GALNT1: variants seen among roughly 807,000 people sequenced by gnomAD.
GALNT1 encodes GalNAc transferase 1.
A neutral mutation model predicts 65.7 loss-of-function variants in GALNT1; 17 were observed. That is an observed-to-expected ratio of 0.26 (90% CI 0.18 to 0.39). The LOEUF is 0.39. Among genes scored for constraint, GALNT1 ranks in the 10% least tolerant of loss-of-function variants. The pLI is 1.00. For missense variants in GALNT1, 460 were observed against 672.8 expected (o/e 0.68, Z 3.50); for synonymous variants, 210 against 219.7 (o/e 0.96, Z 0.39).
chr18:35,695,038 T>C (rs914580287), intron 9 of GALNT1, among the ~76,000 whole-genome samples: 1 of 152,216 alleles, frequency 6.6e-6, no homozygotes, highest in African/African-American at 2.4e-5. Context: ...AAGAGTTACT[T>C]CATGGGCATA....
intron 2 of GALNT1, among the ~76,000 whole-genome samples, chr18:35,656,656 G>C (rs75339867): frequency 0.013 from 1,954 of 152,310 alleles, 45 homozygotes; most frequent in African/African-American, 0.045. Context: ...GGCCTTTTAT[G>C]GCATGCTAGG....
rs148551956 is a variant in GALNT1 at position 35,686,876 on chromosome 18, G to T, written c.690-140G>T. 6.6e-5 allele frequency: 47 copies of T among 708,266 alleles called. 2 individuals are homozygous for T. Among genetic ancestry groups the T allele is most frequent in the Middle Eastern group, 8.1e-4 (2 of 2,456 alleles). 43.9% of individuals were successfully genotyped at this position (708,266 alleles called of 1,614,324 possible). A position where few individuals can be genotyped will look rare whatever the true frequency, so the allele number is the denominator to read the frequency against. On this transcript the variant is annotated intron_variant, in intron 5 of 11. Coordinates refer to ENST00000269195, the MANE Select transcript of GALNT1 (RefSeq NM_020474.4). ...CCCCTGATTGCACTACTGCATTCCA[G>T]CCTGGGTGGTGACAGAGTAGTGATA...
rs762214145 is a variant in GALNT1, at chr18:35,677,667, A to G, written c.391A>G (p.Thr131Ala). 3.1e-6 allele frequency: 5 copies of G among 1,613,460 alleles called. No homozygotes were observed. The highest frequency in any genetic ancestry group is 4.2e-6 in the Non-Finnish European group (5 of 1,179,596). The change falls in exon 4 of 12, where the codon ACA becomes GCA. Residue 131 changes from threonine to alanine, a missense_variant. By Grantham distance (58) the Thr-to-Ala change is moderately conservative. Coordinates refer to ENST00000269195, the MANE Select transcript of GALNT1 (RefSeq NM_020474.4). ...TGTTTTCCACAATGAGGCTTGGAGC[A>G]CACTTCTGCGAACTGTCCATAGTGT... The part of the protein sequence containing the change: ...VIVFHNEAWS[T>A]LLRTVHSVIN...
chr18:35,683,464 A>G lies in GALNT1; in HGVS notation c.555A>G (p.Gln185=), dbSNP rs547753485. The change falls in exon 5 of 12, where the codon CAA becomes CAG. Residue 185 remains glutamine, a synonymous_variant. Transcript: ENST00000269195. Reference sequence around the variant, plus strand: ...CAGTTCATGTAATTCGAATGGAACAACGTTCTGGATTGATCAGAGCTAGAT... The same window carrying G: ...CAGTTCATGTAATTCGAATGGAACAGCGTTCTGGATTGATCAGAGCTAGAT... ...KVPVHVIRME[Q]RSGLIRARLK... 6 of 1,613,756 alleles carry G rather than the reference A, an allele frequency of 3.7e-6. No individual in the cohort carries two copies. The highest frequency in any genetic ancestry group is 5.1e-6 in the Non-Finnish European group (6 of 1,179,876).
intron 1 of GALNT1, among the ~76,000 whole-genome samples, chr18:35,600,387 T>C (rs1308180625): frequency 6.6e-6 from 1 of 152,224 alleles, no homozygotes; most frequent in African/African-American, 2.4e-5. Flanking sequence ...TCTGCAACTT[T>C]ACTGGATTTG....
At position 35,677,669 on chromosome 18, in the gene GALNT1, A is replaced by G; in HGVS notation, c.393A>G (p.Thr131=). 6.2e-7 allele frequency: 1 copy of G among 1,613,480 alleles called. No individual in the cohort carries two copies. Among genetic ancestry groups the G allele is most frequent in the East Asian group, 2.2e-5 (1 of 44,848 alleles). ...TTTTCCACAATGAGGCTTGGAGCACACTTCTGCGAACTGTCCATAGTGTCA... is the reference window on the plus strand; with the variant it reads ...TTTTCCACAATGAGGCTTGGAGCACGCTTCTGCGAACTGTCCATAGTGTCA... ...VIVFHNEAWS[T]LLRTVHSVIN... is the part of the protein sequence containing the mutation. Residue 131 remains threonine, a synonymous_variant, in exon 4 of 12, where the codon ACA becomes ACG. Coordinates refer to ENST00000269195, the MANE Select transcript of GALNT1 (RefSeq NM_020474.4).
At chr18:35,690,734 G>A (rs538164778) in intron 7 of GALNT1, among the ~76,000 whole-genome samples, 1 of 152,270 alleles carries the variant, frequency 6.6e-6, no homozygotes, top group African/African-American at 2.4e-5. Flanking sequence ...CCCATCATGT[G>A]CCCCTGATTT....
At chr18:35,626,176 A>G (rs1598787275) in intron 1 of GALNT1, among the ~76,000 whole-genome samples, 1 of 152,170 alleles carries the variant, frequency 6.6e-6, no homozygotes, top group East Asian at 1.9e-4. Context: ...CATCTTTTGC[A>G]AAGACTTAAA....
chr18:35,623,511 C>T (rs1005040636), intron 1 of GALNT1, among the ~76,000 whole-genome samples: 2 of 151,912 alleles, frequency 1.3e-5, no homozygotes. Flanking sequence ...TGTTTTTATC[C>T]TGTTTCCTCT....
At chr18:35,622,120 A>G (rs755702860) in intron 1 of GALNT1, among the ~76,000 whole-genome samples, 3 of 152,246 alleles carry the variant, frequency 2.0e-5, no homozygotes, top group African/African-American at 4.8e-5. Flanking sequence ...GATTGGAACT[A>G]TAGTAAGTAC....
intron 1 of GALNT1, among the ~76,000 whole-genome samples, chr18:35,618,837 A>G (rs1286663164): frequency 6.6e-6 from 1 of 152,144 alleles, no homozygotes; most frequent in Non-Finnish European, 1.5e-5. Context: ...CATCCCCTAG[A>G]ATGGATCTTA....
At chr18:35,605,507 AAAAG>A (rs942133867) in intron 1 of GALNT1, among the ~76,000 whole-genome samples, 28 of 151,920 alleles carry the variant, frequency 1.8e-4, no homozygotes, top group Non-Finnish European at 3.7e-4. Context: ...AAAAAAAAGA[AAAAG>A]AAAAATTTTT....
chr18:35,663,426 G>A (rs2047504000), intron 2 of GALNT1, among the ~76,000 whole-genome samples: 1 of 152,212 alleles, frequency 6.6e-6, no homozygotes, highest in Non-Finnish European at 1.5e-5. Context: ...GGGGCAAGGT[G>A]ACGAAGTCTT....
intron 1 of GALNT1, among the ~76,000 whole-genome samples, chr18:35,620,051 C>T (rs1325154557): frequency 6.6e-6 from 1 of 152,118 alleles, no homozygotes; most frequent in African/African-American, 2.4e-5. Context: ...TCCCTCTTCC[C>T]CCACAAAAAG....
intron 5 of GALNT1, 22 bp downstream of exon 5, chr18:35,683,620 G>A: frequency 6.2e-7 from 1 of 1,606,706 alleles, no homozygotes; most frequent in Non-Finnish European, 8.5e-7. Flanking sequence ...GTGTCTGTAA[G>A]TTTGCTTTTA....
chr18:35,690,758 C>A (rs943830043), intron 7 of GALNT1, among the ~76,000 whole-genome samples: 1 of 152,172 alleles, frequency 6.6e-6, no homozygotes, highest in African/African-American at 2.4e-5. Flanking sequence ...GAAATTCCAA[C>A]TGTGGAACCC....
At chr18:35,687,781 A>G (rs989873520) in intron 6 of GALNT1, among the ~76,000 whole-genome samples, 3 of 152,088 alleles carry the variant, frequency 2.0e-5, no homozygotes, top group African/African-American at 7.2e-5. Context: ...TTTTTAGAAC[A>G]TGAAATTGAG....
At chr18:35,671,490 A>G (rs962909815) in intron 3 of GALNT1, among the ~76,000 whole-genome samples, 5 of 152,192 alleles carry the variant, frequency 3.3e-5, no homozygotes, top group Non-Finnish European at 5.9e-5. Context: ...TTTTGTGTAT[A>G]TTATGACTTG....
intron 1 of GALNT1, among the ~76,000 whole-genome samples, chr18:35,643,529 C>T (rs1444924769): frequency 2.0e-5 from 3 of 152,044 alleles, no homozygotes; most frequent in Non-Finnish European, 4.4e-5. Flanking sequence ...TTTGGGAGGC[C>T]GAGGCAGGCA....
Sources: gnomAD v4.1 joint callset for allele counts (sites outside exome capture counted in the v4.1 genomes callset) on GRCh38, gnomAD v4.1.1 for gene constraint, MANE v1.5 for transcripts, NCBI Gene and HGNC (gene_info 2026-07-23, HGNC 2026-07-21) for gene names.